The following ACTN4 variants were observed in gnomAD, a reference collection of about 807,000 sequenced individuals.
ACTN4 encodes the protein actinin alpha 4.
In ACTN4, 18 loss-of-function variants were observed where a neutral mutation model predicts 114.2. That is an observed-to-expected ratio of 0.16 (90% CI 0.11 to 0.23). ACTN4 has a LOEUF of 0.23. Among genes scored for constraint, ACTN4 ranks in the 10% least tolerant of loss-of-function variants. ACTN4 has a pLI of 1.00. For missense variants in ACTN4, 722 were observed against 1,262.9 expected (o/e 0.57, Z 6.49); for synonymous variants, 515 against 506.3 (o/e 1.02, Z -0.23).
chr19:38,726,836 T>G, intron 17 of ACTN4, 121 bp from the exon 18 acceptor site: 1 of 1,407,874 alleles, frequency 7.1e-7, no homozygotes, highest in South Asian at 1.3e-5. Context: ...CCCTGTGAGG[T>G]GTACAGGAGA....
chr19:38,720,450 G>A (rs1969001784), intron 11 of ACTN4, among the ~76,000 whole-genome samples: 1 of 152,222 alleles, frequency 6.6e-6, no homozygotes. Flanking sequence ...TTGCAAGGCC[G>A]CCTTGTGGCT....
chr19:38,704,322 C>G (rs924985633), intron 3 of ACTN4, among the ~76,000 whole-genome samples: 2 of 152,212 alleles, frequency 1.3e-5, no homozygotes, highest in Non-Finnish European at 2.9e-5. Context: ...ACCAACCATG[C>G]TCGCTGCTGT....
chr19:38,697,666 C>T (rs1434968645), intron 1 of ACTN4, among the ~76,000 whole-genome samples: 1 of 152,332 alleles, frequency 6.6e-6, no homozygotes, highest in Middle Eastern at 3.4e-3. Context: ...TGCACGCGTG[C>T]GTGGCCCTCC....
intron 1 of ACTN4, among the ~76,000 whole-genome samples, chr19:38,673,603 ATATTCATTTAT>A: frequency 1.0e-5 from 1 of 96,570 alleles, no homozygotes; most frequent in South Asian, 3.0e-4. Context: ...ATATTCATAT[ATATTCATTTAT>A]ATTTATATAT....
intron 1 of ACTN4, among the ~76,000 whole-genome samples, chr19:38,662,687 T>C (rs1053897076): frequency 2.0e-5 from 3 of 152,236 alleles, no homozygotes; most frequent in Admixed American, 1.3e-4. Flanking sequence ...GGTTGAGTCC[T>C]ACCCCACGTT....
intron 9 of ACTN4, among the ~76,000 whole-genome samples, chr19:38,716,244 C>A (rs187883627): frequency 3.3e-5 from 5 of 152,340 alleles, no homozygotes; most frequent in Admixed American, 2.6e-4. Flanking sequence ...GTTACCCTTT[C>A]TCACTCCATT....
At chr19:38,710,408 T>C in intron 8 of ACTN4, 66 bp downstream of exon 8, 2 of 1,523,972 alleles carry the variant, frequency 1.3e-6, no homozygotes, top group Non-Finnish European at 1.8e-6. Context: ...GCCTCTCGCC[T>C]CCCGTGCTCA....
chr19:38,710,687 C>T (rs1380022029), intron 8 of ACTN4: 2 of 380,784 alleles, frequency 5.3e-6, no homozygotes, highest in Admixed American at 3.7e-5. Flanking sequence ...ACAGAGATGG[C>T]TGGGGTGACC....
At chr19:38,678,665 C>T (rs913558606) in intron 1 of ACTN4, among the ~76,000 whole-genome samples, 3 of 152,210 alleles carry the variant, frequency 2.0e-5, no homozygotes, top group Admixed American at 1.3e-4. Flanking sequence ...GACACAGCCA[C>T]CCTTTTTCTC....
intron 19 of ACTN4, chr19:38,728,336 C>T: frequency 1.4e-6 from 2 of 1,480,406 alleles, no homozygotes; most frequent in Non-Finnish European, 1.8e-6. Flanking sequence ...GCAGCATGGA[C>T]TCCGATGACT....
chr19:38,649,347 G>A (rs12977599), intron 1 of ACTN4, among the ~76,000 whole-genome samples: 7,134 of 139,666 alleles, frequency 0.051, 232 homozygotes, highest in South Asian at 0.091. Context: ...AAAGGAGCGT[G>A]GTGAGTGGGT....
In ACTN4 at chr19:38,647,924, C is replaced by T; in HGVS notation, c.162+17C>T. ...CAGCGCAAGGTGCGCGGCCCGCGGG[C>T]CGGACGGGCTGGAGGGGCTTTTCTG... On this transcript the variant is annotated intron_variant, in intron 1 of 20. Transcript: ENST00000252699. 6.8e-7 allele frequency: 1 copy of T among 1,471,636 alleles called. No homozygotes were observed. Among genetic ancestry groups the T allele is most frequent in the Non-Finnish European group, 9.0e-7 (1 of 1,109,238 alleles). 91.2% of individuals were successfully genotyped at this position (1,471,636 alleles called of 1,614,324 possible). A position where few individuals can be genotyped will look rare whatever the true frequency, so the allele number is the denominator to read the frequency against.
chr19:38,699,759 AAAAAAAAAGG>A (rs1292375773), intron 1 of ACTN4, among the ~76,000 whole-genome samples: 1 of 151,790 alleles, frequency 6.6e-6, no homozygotes, highest in African/African-American at 2.4e-5. Context: ...CTTCTCAAAA[AAAAAAAAAGG>A]AAAAAAAAGA....
chr19:38,704,842 G>C (rs1463769112), intron 3 of ACTN4, 92 bp from the exon 4 acceptor site: 3 of 1,162,816 alleles, frequency 2.6e-6, no homozygotes, highest in African/African-American at 1.5e-5. Flanking sequence ...CCTTTCTCTA[G>C]ATGGGGCTGG....
intron 1 of ACTN4, among the ~76,000 whole-genome samples, chr19:38,698,862 G>C (rs1489122280): frequency 6.6e-6 from 1 of 152,190 alleles, no homozygotes; most frequent in African/African-American, 2.4e-5. Flanking sequence ...TGTCTGGGAG[G>C]GGGCTTTGTG....
Position 38,730,585 on chromosome 19 carries a change from G to A in ACTN4, c.*1153G>A. 3.6e-6 allele frequency: 2 copies of A among 561,568 alleles called. No homozygotes were observed. Among genetic ancestry groups the A allele is most frequent in the Admixed American group, 3.1e-5 (1 of 31,852 alleles). The allele number at this position is 561,568 out of a possible 1,614,324, so 34.8% of individuals were successfully genotyped here. ...TCCTGTGTCTGTCCTCCACCTTCTA[G>A]GAGAGCCAGGGCAGAGCTAGCACTG... On this transcript the variant is annotated 3_prime_UTR_variant, in exon 21 of 21. Transcript: ENST00000252699.
intron 1 of ACTN4, among the ~76,000 whole-genome samples, chr19:38,674,153 G>A (rs181395459): frequency 6.6e-6 from 1 of 152,146 alleles, no homozygotes; most frequent in African/African-American, 2.4e-5. Flanking sequence ...AGATTGTGTG[G>A]GAGCTGTCAG....
At chr19:38,681,918 C>T (rs1313730675) in intron 1 of ACTN4, among the ~76,000 whole-genome samples, 1 of 152,178 alleles carries the variant, frequency 6.6e-6, no homozygotes, top group Non-Finnish European at 1.5e-5. Context: ...GCAGCCTCCG[C>T]CTCCTGGGTT....
intron 19 of ACTN4, 40 bp downstream of exon 19, chr19:38,728,066 G>A: frequency 6.6e-7 from 1 of 1,506,380 alleles, no homozygotes; most frequent in Middle Eastern, 1.7e-4. Flanking sequence ...GGCATTAACT[G>A]CTCTCTCTCT....
Sources: allele counts gnomAD v4.1 joint callset (sites outside exome capture counted in the v4.1 genomes callset), GRCh38; gene constraint gnomAD v4.1.1; transcripts MANE v1.5; gene names NCBI Gene and HGNC (gene_info 2026-07-23, HGNC 2026-07-21).